FRMD3: variants seen among roughly 807,000 people sequenced by gnomAD.
FRMD3 encodes the protein FERM domain-containing protein 3.
In FRMD3, 33 loss-of-function variants were observed where a neutral mutation model predicts 70.2. That is an observed-to-expected ratio of 0.47 (90% CI 0.36 to 0.63). The LOEUF is 0.63. Among genes scored for constraint, FRMD3 ranks in the 20% least tolerant of loss-of-function variants. The pLI is 0.00. For missense variants in FRMD3, 632 were observed against 711.4 expected, an observed-to-expected ratio of 0.89 and a Z score of 1.27; for synonymous variants, 279 against 255.9, an observed-to-expected ratio of 1.09 and a Z score of -0.86.
intron 1 of FRMD3, among the ~76,000 whole-genome samples, chr9:83,505,429 G>T (rs1564108235): frequency 6.6e-6 from 1 of 152,212 alleles, no homozygotes; most frequent in Non-Finnish European, 1.5e-5. Context: ...CAGATTGGCA[G>T]CTGGGGCCGT....
intron 1 of FRMD3, among the ~76,000 whole-genome samples, chr9:83,510,767 G>T (rs943932456): frequency 8.5e-5 from 13 of 152,282 alleles, no homozygotes; most frequent in Middle Eastern, 3.4e-3. Context: ...CAATCCCAAA[G>T]ACCACATACT....
chr9:83,243,601 T>C (rs1399763740), downstream of FRMD3, among the ~76,000 whole-genome samples: 2 of 152,118 alleles, frequency 1.3e-5, no homozygotes, highest in Admixed American at 6.5e-5. Context: ...GGCACTGGCT[T>C]GAGATGCTGG....
intron 1 of FRMD3, among the ~76,000 whole-genome samples, chr9:83,431,574 C>T (rs552762933): frequency 5.3e-5 from 8 of 151,914 alleles, no homozygotes; most frequent in East Asian, 1.9e-4. Flanking sequence ...TTAAGTTTAG[C>T]GTTTTTTTTT....
Position 83,340,733 on chromosome 9 carries a change from C to T in FRMD3, c.472+2457G>A, listed in dbSNP as rs545638830. Among the ~76,000 whole-genome samples the T allele has an allele frequency of 9.4e-4, 143 of 152,294 alleles. 1 individual carries two copies. The highest frequency in any genetic ancestry group is 3.2e-3 in the African/African-American group (135 of 41,558). ...ATATGCTCGTTGGATTCAGTATGTA[C>T]AGGCAGCAAAACTCCAGGTGATTGA... On this transcript the variant is annotated intron_variant, in intron 5 of 13. Transcript: ENST00000304195.
rs544559696 is a variant in FRMD3, at chr9:83,509,456, G to A, written c.147+28629C>T. On this transcript the variant is annotated intron_variant, in intron 1 of 13. Coordinates refer to ENST00000304195, the MANE Select transcript of FRMD3 (RefSeq NM_174938.6). Reference sequence around the variant, plus strand: ...GCAAAAAGGGGAGGAAAGAGAATGGGTAACGTTATTAGGTTTGTCTACTTT... The same window carrying A: ...GCAAAAAGGGGAGGAAAGAGAATGGATAACGTTATTAGGTTTGTCTACTTT... Among the ~76,000 whole-genome samples the A allele has an allele frequency of 5.9e-5, 9 of 152,292 alleles. 1 individual carries two copies. The highest frequency in any genetic ancestry group is 2.2e-4 in the African/African-American group (9 of 41,572).
chr9:83,283,902 T>C (rs113080031), intron 13 of FRMD3, among the ~76,000 whole-genome samples: 2,301 of 152,330 alleles, frequency 0.015, 45 homozygotes, highest in African/African-American at 0.052. Context: ...CAACTTCTGA[T>C]GTGTTTTCAT....
chr9:83,546,737 A>G, the FRMD3 span, among the ~76,000 whole-genome samples: 1 of 152,074 alleles, frequency 6.6e-6, no homozygotes. Flanking sequence ...TACTAAAAAT[A>G]CAAAATTTAG....
the FRMD3 span, among the ~76,000 whole-genome samples, chr9:83,555,197 C>G: frequency 3.9e-5 from 6 of 152,028 alleles, no homozygotes; most frequent in South Asian, 1.2e-3. Context: ...CTCAGACACT[C>G]CAAAGCCCAA....
At chr9:83,282,377 A>G (rs1270903721) in intron 13 of FRMD3, among the ~76,000 whole-genome samples, 1 of 152,186 alleles carries the variant, frequency 6.6e-6, no homozygotes, top group Non-Finnish European at 1.5e-5. Context: ...GTTCACTTGA[A>G]GGCCAGAAAT....
chr9:83,493,051 GGGA>G (rs1273808327), intron 1 of FRMD3, among the ~76,000 whole-genome samples: 1 of 152,028 alleles, frequency 6.6e-6, no homozygotes, highest in Admixed American at 6.6e-5. Context: ...CTTGACTTTG[GGGA>G]GGAGAAGCAC....
At chr9:83,542,017 A>G (rs966700228), upstream of FRMD3, among the ~76,000 whole-genome samples, 1 of 152,090 alleles carries the variant, frequency 6.6e-6, no homozygotes, top group Non-Finnish European at 1.5e-5. Context: ...GCCCCAGTCA[A>G]TCCTCCTGCT....
intron 1 of FRMD3, among the ~76,000 whole-genome samples, chr9:83,523,650 G>A (rs904099240): frequency 6.6e-6 from 1 of 152,118 alleles, no homozygotes; most frequent in African/African-American, 2.4e-5. Flanking sequence ...TCCTCTCTGT[G>A]GCATATGATT....
intron 1 of FRMD3, among the ~76,000 whole-genome samples, chr9:83,475,267 TA>T (rs1324020083): frequency 1.2e-4 from 18 of 151,998 alleles, no homozygotes; most frequent in African/African-American, 3.1e-4. Flanking sequence ...ACCAAAGAAC[TA>T]GAATATATAT....
At chr9:83,515,614 G>C (rs1277370425) in intron 1 of FRMD3, among the ~76,000 whole-genome samples, 1 of 152,116 alleles carries the variant, frequency 6.6e-6, no homozygotes, top group Non-Finnish European at 1.5e-5. Flanking sequence ...AGGAAATACA[G>C]AGAATGCCAC....
chr9:83,462,337 GT>G (rs1827999741), intron 1 of FRMD3, among the ~76,000 whole-genome samples: 1 of 152,158 alleles, frequency 6.6e-6, no homozygotes, highest in Admixed American at 6.5e-5. Flanking sequence ...AGGTCCTACG[GT>G]CTCTGAAGCA....
At chr9:83,487,942 C>T (rs1050310287) in intron 1 of FRMD3, among the ~76,000 whole-genome samples, 1 of 152,108 alleles carries the variant, frequency 6.6e-6, no homozygotes, top group Non-Finnish European at 1.5e-5. Flanking sequence ...TGATGTTAAG[C>T]CTGGCTCAAA....
At chr9:83,316,406 C>T (rs573050305) in intron 6 of FRMD3, among the ~76,000 whole-genome samples, 1 of 152,298 alleles carries the variant, frequency 6.6e-6, no homozygotes, top group Non-Finnish European at 1.5e-5. Flanking sequence ...ATCCACCTGC[C>T]TCAGCCTCCC....
At chr9:83,448,971 T>C (rs1827561339) in intron 1 of FRMD3, among the ~76,000 whole-genome samples, 1 of 152,180 alleles carries the variant, frequency 6.6e-6, no homozygotes, top group African/African-American at 2.4e-5. Flanking sequence ...AAAATGGGCC[T>C]TGGGGGTCTT....
At position 83,374,251 on chromosome 9, in the gene FRMD3, C is replaced by T. The variant is rs554692724; in HGVS notation, c.253-1296G>A. Among the ~76,000 whole-genome samples, 96 of 152,092 alleles carry T rather than the reference C, an allele frequency of 6.3e-4. No individual in the cohort carries two copies. The Middle Eastern group carries it at 0.01, about 16-fold the overall frequency. ...TCTCGGTGAGCACTCCCTACTTTCT[C>T]AGGAGCTGAAAAACTGAATCGTCAA... On this transcript the variant is annotated intron_variant, in intron 2 of 13. Coordinates refer to ENST00000304195, the MANE Select transcript of FRMD3 (RefSeq NM_174938.6).
Sources: allele counts gnomAD v4.1 joint callset (sites outside exome capture counted in the v4.1 genomes callset), GRCh38; gene constraint gnomAD v4.1.1; transcripts MANE v1.5; gene names NCBI Gene and HGNC (gene_info 2026-07-23, HGNC 2026-07-21).